The following HSPA4L variants were observed in gnomAD, a reference collection of about 807,000 sequenced individuals.
The protein encoded by HSPA4L is heat shock protein family A (Hsp70) member 4 like, also known as heat shock 70 kDa protein 4L.
Under a neutral mutation model 100.3 loss-of-function variants are expected in HSPA4L, and 48 were observed. The ratio of observed to expected loss-of-function variants is 0.48; its 90% confidence interval spans 0.38 to 0.61. The LOEUF is 0.61. HSPA4L is among the 20% of genes least tolerant of loss of function. The pLI, the probability that HSPA4L is intolerant of heterozygous loss-of-function variation, is 0.00. For synonymous variants in HSPA4L, 319 were observed against 328.2 expected, an observed-to-expected ratio of 0.97 and a Z score of 0.30; for missense variants, 886 against 988.6, an observed-to-expected ratio of 0.90 and a Z score of 1.39.
chr4:127,800,283 G>C (rs1241298201), intron 4 of HSPA4L, among the ~76,000 whole-genome samples: 1 of 152,036 alleles, frequency 6.6e-6, no homozygotes, highest in African/African-American at 2.4e-5. Flanking sequence ...ACCATAGTGA[G>C]ACCCGTCTCT....
chr4:127,792,306 T>C (rs1051795502), intron 1 of HSPA4L, among the ~76,000 whole-genome samples: 2 of 152,214 alleles, frequency 1.3e-5, no homozygotes, highest in Non-Finnish European at 1.5e-5. Context: ...GTATTCTTTT[T>C]GTTTTCTCCC....
chr4:127,818,462 A>G lies in HSPA4L; in HGVS notation c.1674+42A>G. 3 of 1,231,342 alleles carry G rather than the reference A, an allele frequency of 2.4e-6. 1 individual carries two copies. In the South Asian group the frequency reaches 4.1e-5, roughly 17 times the overall value. The allele number at this position is 1,231,342 out of a possible 1,614,324, so 76.3% of individuals were successfully genotyped here. ...CTGTAGTTATGTCTTTTTGAAATTG[A>G]TATTTTGAATTATTGTATTTAATGC... On this transcript the variant is annotated intron_variant, in intron 13 of 18. Coordinates refer to ENST00000296464, the MANE Select transcript of HSPA4L (RefSeq NM_014278.4).
At chr4:127,799,726 A>G (rs1477930676) in intron 4 of HSPA4L, among the ~76,000 whole-genome samples, 1 of 152,184 alleles carries the variant, frequency 6.6e-6, no homozygotes, top group Non-Finnish European at 1.5e-5. Context: ...ACTTTTGACC[A>G]TTATTAACTT....
rs1734147660 is a variant in HSPA4L, at chr4:127,833,894, G to A, written c.*1020G>A. 1.3e-5 allele frequency: 2 copies of A among 152,082 alleles called. No homozygotes were observed. The highest frequency in any genetic ancestry group is 4.1e-4 in the South Asian group (2 of 4,828). The allele number at this position is 152,082 out of a possible 1,614,324, so 9.4% of individuals were successfully genotyped here. A position where few individuals can be genotyped will look rare whatever the true frequency, so the allele number is the denominator to read the frequency against. The stretch of plus-strand genomic sequence containing the variant: ...AGGAGCACTTATACCATAAGTCTTA[G>A]GAAATAATGTTTGTAATAAACTTAA... On this transcript the variant is annotated 3_prime_UTR_variant, in exon 19 of 19. Coordinates refer to ENST00000296464, the MANE Select transcript of HSPA4L (RefSeq NM_014278.4).
chr4:127,832,240 A>C (rs903817515), intron 18 of HSPA4L, among the ~76,000 whole-genome samples: 2 of 152,214 alleles, frequency 1.3e-5, no homozygotes, highest in African/African-American at 4.8e-5. Flanking sequence ...TTCAAACAAA[A>C]AAAAATGTCG....
rs1270170853 is a variant in HSPA4L, at chr4:127,823,558, T to C, written c.1980T>C (p.Asn660=). The part of the protein sequence containing the change: ...KLSAVLEDTE[N]WLYEDGEDQP... ...CTGCAGTATTGGAAGACACAGAAAATTGGCTTTATGAAGACGGAGAGGACC... is the reference window on the plus strand; with the variant it reads ...CTGCAGTATTGGAAGACACAGAAAACTGGCTTTATGAAGACGGAGAGGACC... Residue 660 remains asparagine, a synonymous_variant, in exon 16 of 19, where the codon AAT becomes AAC. Coordinates refer to ENST00000296464, the MANE Select transcript of HSPA4L (RefSeq NM_014278.4). 1.2e-6 allele frequency: 2 copies of C among 1,613,562 alleles called. No homozygotes were observed. The highest frequency in any genetic ancestry group is 1.7e-6 in the Non-Finnish European group (2 of 1,179,670).
upstream of HSPA4L, chr4:127,782,039 C>T (rs1277081830): frequency 2.2e-6 from 1 of 454,908 alleles, no homozygotes; most frequent in Admixed American, 2.4e-5. Context: ...GTCCTACTGC[C>T]GAGCGAGGGC....
chr4:127,797,984 C>T (rs10493146), intron 3 of HSPA4L, among the ~76,000 whole-genome samples: 4,615 of 152,102 alleles, frequency 0.03, 299 homozygotes, highest in East Asian at 0.26. Flanking sequence ...TCTTTATGCA[C>T]CCCTGGTTTA....
At chr4:127,817,950 AACCCGTCATCT>A (rs1733714527) in intron 12 of HSPA4L, among the ~76,000 whole-genome samples, 1 of 152,178 alleles carries the variant, frequency 6.6e-6, no homozygotes, top group African/African-American at 2.4e-5. Context: ...TGCACCCATC[AACCCGTCATCT>A]ACATTAGGTA....
intron 12 of HSPA4L, chr4:127,813,488 A>G (rs1199356038): frequency 4.0e-6 from 1 of 249,150 alleles, no homozygotes. Flanking sequence ...ACAGTTTTTC[A>G]TAAATTAACA....
At chr4:127,805,317 C>A in intron 9 of HSPA4L, 93 bp downstream of exon 9, 1 of 889,286 alleles carries the variant, frequency 1.1e-6, no homozygotes, top group Non-Finnish European at 1.7e-6. Flanking sequence ...GTTCCATCCA[C>A]TTATCAATAA....
chr4:127,788,064 A>G (rs1332179510), intron 1 of HSPA4L, among the ~76,000 whole-genome samples: 1 of 152,002 alleles, frequency 6.6e-6, no homozygotes, highest in African/African-American at 2.4e-5. Flanking sequence ...TATAGGTAAT[A>G]TGAGTTTTTC....
chr4:127,787,115 A>C (rs1344227247), intron 1 of HSPA4L, among the ~76,000 whole-genome samples: 1 of 152,174 alleles, frequency 6.6e-6, no homozygotes, highest in African/African-American at 2.4e-5. Context: ...TTTCTTTACT[A>C]GCATATGAAT....
At chr4:127,795,130 A>T (rs115269064) in intron 2 of HSPA4L, among the ~76,000 whole-genome samples, 3,592 of 152,230 alleles carry the variant, frequency 0.024, 127 homozygotes, top group African/African-American at 0.082. Flanking sequence ...GAGGAAAAAA[A>T]AACCTAGACA....
At position 127,782,335 on chromosome 4, in the gene HSPA4L, C is replaced by CCAGGCTGCGGGACGCGGTG. The variant is rs1553931596; in HGVS notation, c.-205_-187dup. ...CGGCCGAACCGCAGTAGGGAAAGAC[C>CCAGGCTGCGGGACGCGGTG]CAGGCTGCGGGACGCGGTGCAGGCT... On this transcript the variant is annotated 5_prime_UTR_variant, in exon 1 of 19. Transcript: ENST00000296464. 8.5e-4 allele frequency: 464 copies of CCAGGCTGCGGGACGCGGTG among 547,754 alleles called. 2 individuals are homozygous for CCAGGCTGCGGGACGCGGTG. Among genetic ancestry groups the CCAGGCTGCGGGACGCGGTG allele is most frequent in the African/African-American group, 7.5e-3 (382 of 51,118 alleles). 33.9% of individuals were successfully genotyped at this position (547,754 alleles called of 1,614,324 possible). A position where few individuals can be genotyped will look rare whatever the true frequency, so the allele number is the denominator to read the frequency against.
In HSPA4L at chr4:127,802,819, T is replaced by C. The variant is rs141782000; in HGVS notation, c.664-810T>C. Among the ~76,000 whole-genome samples, 1,054 of 152,280 alleles carry C rather than the reference T, an allele frequency of 6.9e-3. 9 individuals carry two copies. The highest frequency in any genetic ancestry group is 0.011 in the Admixed American group (171 of 15,278). On this transcript the variant is annotated intron_variant, in intron 6 of 18. Transcript: ENST00000296464. ...TACATGGATTCTCCATGCTAGTCTGTGGGGCGACATTCCACGCAGATTGTA... is the reference window on the plus strand; with the variant it reads ...TACATGGATTCTCCATGCTAGTCTGCGGGGCGACATTCCACGCAGATTGTA...
Position 127,830,815 on chromosome 4 carries a change from A to G in HSPA4L, c.2328+16A>G. ...AAAGTCAAAGGTAAGAAGTTTATGA[A>G]ATTGCCTTTTTAATGGTTTCAAGTA... On this transcript the variant is annotated intron_variant, in intron 18 of 18. Coordinates refer to ENST00000296464, the MANE Select transcript of HSPA4L (RefSeq NM_014278.4). The G allele has an allele frequency of 6.6e-7, 1 of 1,514,456 alleles. No homozygotes were observed. Among genetic ancestry groups the G allele is most frequent in the South Asian group, 1.3e-5 (1 of 74,368 alleles). 93.8% of individuals were successfully genotyped at this position (1,514,456 alleles called of 1,614,324 possible). A position where few individuals can be genotyped will look rare whatever the true frequency, so the allele number is the denominator to read the frequency against.
chr4:127,796,995 G>GTA lies in HSPA4L; in HGVS notation c.306+1087_306+1088insTA, dbSNP rs1303413345. Among the ~76,000 whole-genome samples, 6 of 152,272 alleles carry GTA rather than the reference G, an allele frequency of 3.9e-5. No homozygotes were observed. The South Asian group carries it at 6.2e-4, about 16-fold the overall frequency. Reference sequence around the variant, plus strand: ...AAGTTATTTTTAGTAACTAATTTTAGACTTGATATATGTGTTATGGATATG... The same window carrying GTA: ...AAGTTATTTTTAGTAACTAATTTTAGTAACTTGATATATGTGTTATGGATATG... On this transcript the variant is annotated intron_variant, in intron 3 of 18. Coordinates refer to ENST00000296464, the MANE Select transcript of HSPA4L (RefSeq NM_014278.4).
At chr4:127,809,337 G>A (rs561183442) in intron 11 of HSPA4L, 2 of 1,143,874 alleles carry the variant, frequency 1.7e-6, no homozygotes, top group East Asian at 2.3e-5. Flanking sequence ...CTGGGATCAC[G>A]CTGAGCCGCA....
Sources: allele counts gnomAD v4.1 joint callset (sites outside exome capture counted in the v4.1 genomes callset), GRCh38; gene constraint gnomAD v4.1.1; transcripts MANE v1.5; gene names NCBI Gene and HGNC (gene_info 2026-07-23, HGNC 2026-07-21).